RNF185: variants seen among roughly 807,000 people sequenced by gnomAD.
The protein encoded by RNF185 is ring finger protein 185.
In RNF185, 13 loss-of-function variants were observed where a neutral mutation model predicts 24.9. The ratio of observed to expected loss-of-function variants is 0.52; its 90% CI spans 0.34 to 0.83. The LOEUF is 0.83. Ranked by LOEUF, RNF185 falls within the 40% of genes least tolerant of loss-of-function variation. The pLI, the probability that RNF185 is intolerant of heterozygous loss-of-function variation, is 0.01. For synonymous variants in RNF185, 79 were observed against 90.3 expected, an observed-to-expected ratio of 0.88 and a Z score of 0.71; for missense variants, 184 against 244.7, an observed-to-expected ratio of 0.75 and a Z score of 1.65.
At chr22:31,181,151 T>C (rs1375400992) in intron 1 of RNF185, among the ~76,000 whole-genome samples, 1 of 152,048 alleles carries the variant, frequency 6.6e-6, no homozygotes, top group Non-Finnish European at 1.5e-5. Context: ...AGTTTGAGAC[T>C]ACCCTGGGCA....
chr22:31,165,262 A>G (rs1002655740), intron 1 of RNF185, among the ~76,000 whole-genome samples: 4 of 152,024 alleles, frequency 2.6e-5, no homozygotes, highest in Non-Finnish European at 4.4e-5. Context: ...CCGCATCCAC[A>G]ACACTTGTTA....
At chr22:31,177,236 GAAA>G (rs34293991) in intron 1 of RNF185, among the ~76,000 whole-genome samples, 1 of 151,232 alleles carries the variant, frequency 6.6e-6, no homozygotes. Flanking sequence ...CCTTTAGACT[GAAA>G]AAAAAGTTTT....
intron 6 of RNF185, among the ~76,000 whole-genome samples, chr22:31,203,811 G>A (rs890906201): frequency 9.2e-5 from 14 of 152,158 alleles, no homozygotes; most frequent in Middle Eastern, 3.4e-3. Context: ...TGAGGTGGGC[G>A]GATCATCTGA....
intron 1 of RNF185, among the ~76,000 whole-genome samples, chr22:31,185,451 G>T (rs1354017744): frequency 6.6e-6 from 1 of 152,176 alleles, no homozygotes; most frequent in Non-Finnish European, 1.5e-5. Flanking sequence ...CTAAATTTGT[G>T]AAGGGGCCGC....
At chr22:31,181,674 A>C (rs2048038122) in intron 1 of RNF185, among the ~76,000 whole-genome samples, 1 of 152,222 alleles carries the variant, frequency 6.6e-6, no homozygotes, top group South Asian at 2.1e-4. Flanking sequence ...CTATGCAGCC[A>C]TAAAAAATGA....
In RNF185 at chr22:31,204,780, G is replaced by A. The variant is rs560464802; in HGVS notation, c.*194G>A. The A allele has an allele frequency of 7.1e-5, 40 of 565,962 alleles. No individual in the cohort carries two copies. The highest frequency in any genetic ancestry group is 4.9e-4 in the South Asian group (25 of 51,174). The allele number at this position is 565,962 out of a possible 1,614,324, so 35.1% of individuals were successfully genotyped here. On this transcript the variant is annotated 3_prime_UTR_variant, in exon 7 of 7. Transcript: ENST00000326132. ...GCGATGACCCCTGAATATCGCCACC[G>A]CTGTAAACACTCTATAACTTCAGGC...
chr22:31,194,566 A>G (rs1222231339), intron 3 of RNF185, among the ~76,000 whole-genome samples: 1 of 152,008 alleles, frequency 6.6e-6, no homozygotes, highest in East Asian at 1.9e-4. Flanking sequence ...TGTCTCTACT[A>G]AAAATACAAA....
intron 2 of RNF185, among the ~76,000 whole-genome samples, chr22:31,188,655 C>T (rs1451639935): frequency 2.0e-5 from 3 of 151,482 alleles, no homozygotes; most frequent in Non-Finnish European, 4.4e-5. Context: ...AGTGAGGCCC[C>T]ACTATGTTTA....
chr22:31,172,154 G>A (rs1568960630), intron 1 of RNF185, among the ~76,000 whole-genome samples: 1 of 152,022 alleles, frequency 6.6e-6, no homozygotes, highest in Non-Finnish European at 1.5e-5. Context: ...ACATTTTATA[G>A]AATATGAATT....
At chr22:31,184,160 C>T (rs1253859070) in intron 1 of RNF185, among the ~76,000 whole-genome samples, 5 of 151,968 alleles carry the variant, frequency 3.3e-5, no homozygotes, top group East Asian at 2.0e-4. Flanking sequence ...ACTTCCCGGA[C>T]GGGGCGGCTG....
chr22:31,191,783 G>A (rs185648770), intron 2 of RNF185, among the ~76,000 whole-genome samples: 3 of 147,300 alleles, frequency 2.0e-5, no homozygotes, highest in Non-Finnish European at 4.4e-5. Context: ...AGTGAGCTGA[G>A]TGAGCTGCAC....
chr22:31,199,024 C>T (rs970139415), intron 5 of RNF185, among the ~76,000 whole-genome samples: 1 of 150,144 alleles, frequency 6.7e-6, no homozygotes, highest in Non-Finnish European at 1.5e-5. Flanking sequence ...CACTTGAACT[C>T]GGGAGGCAGA....
chr22:31,164,522 A>G (rs550046772), intron 1 of RNF185, among the ~76,000 whole-genome samples: 23 of 151,274 alleles, frequency 1.5e-4, no homozygotes, highest in African/African-American at 5.6e-4. Flanking sequence ...TGGATCCTAC[A>G]TCACATTTAG....
intron 1 of RNF185, among the ~76,000 whole-genome samples, chr22:31,172,907 C>A (rs2047944382): frequency 6.6e-6 from 1 of 152,156 alleles, no homozygotes; most frequent in Admixed American, 6.6e-5. Context: ...CAGATTATTT[C>A]TTTCATGGTG....
At chr22:31,199,108 A>T (rs1435342002) in intron 5 of RNF185, among the ~76,000 whole-genome samples, 3 of 135,838 alleles carry the variant, frequency 2.2e-5, no homozygotes, top group African/African-American at 3.0e-5. Flanking sequence ...TCAAAAAAAA[A>T]AAAAAAGAAA....
At chr22:31,202,417 C>T (rs542417805) in intron 6 of RNF185, among the ~76,000 whole-genome samples, 3 of 152,120 alleles carry the variant, frequency 2.0e-5, no homozygotes, top group South Asian at 2.1e-4. Context: ...GTGTGGTTCA[C>T]GCCAAGAGCT....
Position 31,205,831 on chromosome 22 carries a change from G to T in RNF185, c.*1245G>T, listed in dbSNP as rs2048309238. 1 of 152,406 alleles carries T rather than the reference G, an allele frequency of 6.6e-6. No individual in the cohort carries two copies. The highest frequency in any genetic ancestry group is 1.5e-5 in the Non-Finnish European group (1 of 68,190). The allele number at this position is 152,406 out of a possible 1,614,324, so 9.4% of individuals were successfully genotyped here. A position where few individuals can be genotyped will look rare whatever the true frequency, so the allele number is the denominator to read the frequency against. The stretch of plus-strand genomic sequence containing the variant: ...ATATTGTGTGGTCTTCCCTCCTGTG[G>T]AATCGAGGGGAAATTATTCTTCCCA... On this transcript the variant is annotated 3_prime_UTR_variant, in exon 7 of 7. Coordinates refer to ENST00000326132, the MANE Select transcript of RNF185 (RefSeq NM_152267.4).
intron 2 of RNF185, among the ~76,000 whole-genome samples, chr22:31,189,135 A>ATTGTGTGTGTGTG (rs368967009): frequency 1.5e-5 from 2 of 136,872 alleles, no homozygotes; most frequent in Admixed American, 7.5e-5. Context: ...CAAAAAAAAA[A>ATTGTGTGTGTGTG]TGTGTGTGTG....
chr22:31,194,231 G>A (rs1442945648), intron 3 of RNF185, among the ~76,000 whole-genome samples: 1 of 152,014 alleles, frequency 6.6e-6, no homozygotes, highest in Non-Finnish European at 1.5e-5. Flanking sequence ...CAGTGAAAGG[G>A]CCTGAGAAAC....
Sources: gnomAD v4.1 joint callset for allele counts (sites outside exome capture counted in the v4.1 genomes callset) on GRCh38, gnomAD v4.1.1 for gene constraint, MANE v1.5 for transcripts, NCBI Gene and HGNC (gene_info 2026-07-23, HGNC 2026-07-21) for gene names.